Variants in CDH3 observed in about 807,000 individuals in gnomAD.
CDH3 encodes cadherin 3, also known as cadherin-3.
CDH3 carries 54 observed loss-of-function variants against 82.0 expected under a neutral mutation model. That is an observed-to-expected ratio of 0.66 (90% CI 0.53 to 0.83). The LOEUF (loss-of-function observed/expected upper bound fraction) is 0.83, where lower values mean the gene tolerates loss of function less well. Among genes scored for constraint, CDH3 ranks in the 40% least tolerant of loss-of-function variants. CDH3 has a pLI of 0.00. For synonymous variants in CDH3, 446 were observed against 437.9 expected, an observed-to-expected ratio of 1.02 and a Z score of -0.23; for missense variants, 1,054 against 1,084.6, an observed-to-expected ratio of 0.97 and a Z score of 0.40.
chr16:68,704,600 A>AGAGG (rs1961938264), downstream of CDH3, among the ~76,000 whole-genome samples: 1 of 152,236 alleles, frequency 6.6e-6, no homozygotes, highest in Non-Finnish European at 1.5e-5. Context: ...AGGGAGGGAG[A>AGAGG]GAGGAAGGGA....
downstream of CDH3, among the ~76,000 whole-genome samples, chr16:68,731,445 C>G (rs56344547): frequency 9.7e-5 from 1 of 10,346 alleles, no homozygotes; most frequent in Non-Finnish European, 2.2e-4. Context: ...TATATATACA[C>G]ACACACGTAT....
chr16:68,716,370 C>T (rs927638145), intron 1 of CDH3, among the ~76,000 whole-genome samples: 1 of 152,036 alleles, frequency 6.6e-6, no homozygotes, highest in Non-Finnish European at 1.5e-5. Context: ...CCTGTAATCC[C>T]AGTACTTTGG....
chr16:68,656,837 G>A (rs1960420864), intron 2 of CDH3, among the ~76,000 whole-genome samples: 1 of 152,192 alleles, frequency 6.6e-6, no homozygotes, highest in South Asian at 2.1e-4. Context: ...GTTGGGGTTG[G>A]CAGGCACTTC....
At chr16:68,682,791 T>C (rs981582281) in intron 9 of CDH3, among the ~76,000 whole-genome samples, 3 of 152,222 alleles carry the variant, frequency 2.0e-5, no homozygotes, top group Admixed American at 2.0e-4. Flanking sequence ...GTCCATCTTA[T>C]TGAAATCCAT....
intron 2 of CDH3, among the ~76,000 whole-genome samples, chr16:68,649,258 T>C (rs1960171458): frequency 1.3e-5 from 2 of 152,110 alleles, no homozygotes; most frequent in Admixed American, 1.3e-4. Flanking sequence ...AGCCTTTGGG[T>C]CAGATTAAAA....
At position 68,698,010 on chromosome 16, in the gene CDH3, A is replaced by T. The variant is rs949098561; in HGVS notation, c.2281-181A>T. The T allele has an allele frequency of 1.5e-5, 10 of 688,312 alleles. No individual in the cohort carries two copies. In the Admixed American group the frequency reaches 1.9e-4, roughly 13 times the overall value. The allele number at this position is 688,312 out of a possible 1,614,324, so 42.6% of individuals were successfully genotyped here. ...TTACCCCCTGGCCTGTGTTGCACTG[A>T]GCACTTGCTGTCTGCTGGTCCCTGA... On this transcript the variant is annotated intron_variant, in intron 15 of 15. Coordinates refer to ENST00000264012, the MANE Select transcript of CDH3 (RefSeq NM_001793.6).
intron 3 of CDH3, 77 bp from the exon 4 acceptor site, chr16:68,678,057 A>G (rs550079010): frequency 7.2e-7 from 1 of 1,382,096 alleles, no homozygotes; most frequent in Admixed American, 1.7e-5. Flanking sequence ...CCACCCTTTT[A>G]ACTCTTATAG....
Position 68,685,331 on chromosome 16 carries a change from G to A in CDH3, c.1551G>A (p.Met517Ile), listed in dbSNP as rs372407397. The change falls in exon 11 of 16, where the codon ATG (methionine) becomes ATA (isoleucine). Residue 517 changes from methionine (M) to isoleucine (I), a missense_variant. Physicochemically the swap from Met to Ile is conservative, Grantham distance 10. Transcript: ENST00000264012. ...TGAGGAACAACATCTATGAAGTCATGGTCTTGGCCATGGACAATGGTGAGA... is the reference window on the plus strand; with the variant it reads ...TGAGGAACAACATCTATGAAGTCATAGTCTTGGCCATGGACAATGGTGAGA... Reference protein sequence around the residue: ...QFVRNNIYEVMVLAMDNGSPP... With the variant: ...QFVRNNIYEVIVLAMDNGSPP... 2.9e-5 allele frequency: 47 copies of A among 1,613,994 alleles called. No individual in the cohort carries two copies. Among genetic ancestry groups the A allele is most frequent in the Non-Finnish European group, 3.8e-5 (45 of 1,180,028 alleles).
At chr16:68,667,448 T>G (rs1385767449) in intron 2 of CDH3, among the ~76,000 whole-genome samples, 1 of 152,184 alleles carries the variant, frequency 6.6e-6, no homozygotes, top group Admixed American at 6.5e-5. Flanking sequence ...GAGTGATCAC[T>G]TGATGGACAT....
At chr16:68,677,324 AC>A (rs1961060255) in intron 3 of CDH3, among the ~76,000 whole-genome samples, 1 of 152,172 alleles carries the variant, frequency 6.6e-6, no homozygotes, top group African/African-American at 2.4e-5. Flanking sequence ...CTTATTTCCT[AC>A]CCTTTTACAC....
chr16:68,678,690 C>T (rs1180998753), intron 5 of CDH3, 34 bp downstream of exon 5: 1 of 1,614,154 alleles, frequency 6.2e-7, no homozygotes, highest in Admixed American at 1.7e-5. Flanking sequence ...GTAAATGTCC[C>T]CTCAGAAGTG....
At chr16:68,660,791 T>C (rs1232559318) in intron 2 of CDH3, among the ~76,000 whole-genome samples, 1 of 152,060 alleles carries the variant, frequency 6.6e-6, no homozygotes, top group Non-Finnish European at 1.5e-5. Context: ...ACCCCGTCTC[T>C]ACTAAAAAAC....
chr16:68,700,810 C>T (rs774809125), downstream of CDH3, among the ~76,000 whole-genome samples: 66 of 152,112 alleles, frequency 4.3e-4, no homozygotes, highest in Non-Finnish European at 5.4e-4. Flanking sequence ...GCCGAGATCA[C>T]GCCACTGCAC....
intron 1 of CDH3, among the ~76,000 whole-genome samples, chr16:68,715,886 C>T (rs773822298): frequency 6.6e-6 from 1 of 152,228 alleles, no homozygotes; most frequent in Non-Finnish European, 1.5e-5. Flanking sequence ...GACCCAGTAA[C>T]TCCACTTGGA....
At chr16:68,697,324 T>TAA (rs36004703) in intron 15 of CDH3, among the ~76,000 whole-genome samples, 26 of 146,758 alleles carry the variant, frequency 1.8e-4, no homozygotes, top group Admixed American at 1.4e-3. Context: ...ATTCCATCTT[T>TAA]AAAAAAAAAA....
At chr16:68,702,184 G>A (rs1163196396), downstream of CDH3, among the ~76,000 whole-genome samples, 1 of 152,066 alleles carries the variant, frequency 6.6e-6, no homozygotes, top group Non-Finnish European at 1.5e-5. Context: ...GAGCCACTGT[G>A]CCCAGCCTAC....
At chr16:68,675,158 T>A (rs1960995417) in intron 2 of CDH3, among the ~76,000 whole-genome samples, 1 of 151,932 alleles carries the variant, frequency 6.6e-6, no homozygotes, top group East Asian at 1.9e-4. Context: ...AAAACCCTCA[T>A]CTGTTATCCT....
chr16:68,680,062 A>T (rs193101100), intron 7 of CDH3, 88 bp downstream of exon 7: 19 of 1,315,278 alleles, frequency 1.4e-5, no homozygotes, highest in Middle Eastern at 4.6e-4. Context: ...ATCCCTGCCC[A>T]CAAAGCCCAA....
rs947726961 is a variant in CDH3, at chr16:68,645,585, G to C, written c.46-51G>C. The C allele has an allele frequency of 2.0e-6, 3 of 1,498,336 alleles. No individual in the cohort carries two copies. The South Asian group carries it at 3.6e-5, about 18-fold the overall frequency. 92.8% of individuals were successfully genotyped at this position (1,498,336 alleles called of 1,614,324 possible). A position where few individuals can be genotyped will look rare whatever the true frequency, so the allele number is the denominator to read the frequency against. On this transcript the variant is annotated intron_variant, in intron 1 of 15. Coordinates refer to ENST00000264012, the MANE Select transcript of CDH3 (RefSeq NM_001793.6). ...GGACCCTGCGGTGTGGGGAGTGCAG[G>C]GCCGGGCACGCCTGGACCCAGCCTC...
Sources: gnomAD v4.1 joint callset for allele counts (sites outside exome capture counted in the v4.1 genomes callset) on GRCh38, gnomAD v4.1.1 for gene constraint, MANE v1.5 for transcripts, NCBI Gene and HGNC (gene_info 2026-07-23, HGNC 2026-07-21) for gene names.